HSF2BP: variants seen among roughly 807,000 people sequenced by gnomAD.
HSF2BP encodes heat shock factor 2-binding protein.
A neutral mutation model predicts 35.0 loss-of-function variants in HSF2BP; 35 were observed. That is an observed-to-expected ratio of 1.00 (90% CI 0.76 to 1.32). The LOEUF is 1.32. HSF2BP is among the 40% of genes most tolerant of loss of function. The pLI is 0.00. For missense variants in HSF2BP, 326 were observed against 321.7 expected, an observed-to-expected ratio of 1.01 and a Z score of -0.10; for synonymous variants, 114 against 117.4, an observed-to-expected ratio of 0.97 and a Z score of 0.18.
At chr21:43,582,209 G>T (rs1306898082) in intron 8 of HSF2BP, among the ~76,000 whole-genome samples, 1 of 140,734 alleles carries the variant, frequency 7.1e-6, no homozygotes, top group Admixed American at 6.9e-5. Flanking sequence ...GGCCTGCTGT[G>T]GGGGATGAGG....
intron 7 of HSF2BP, among the ~76,000 whole-genome samples, chr21:43,603,954 G>T (rs1356720372): frequency 6.6e-6 from 1 of 152,094 alleles, no homozygotes; most frequent in African/African-American, 2.4e-5. Flanking sequence ...TGACCTGCAG[G>T]GCCCACAGGG....
At chr21:43,651,595 G>A (rs1363322153) in intron 3 of HSF2BP, among the ~76,000 whole-genome samples, 1 of 152,080 alleles carries the variant, frequency 6.6e-6, no homozygotes, top group Non-Finnish European at 1.5e-5. Context: ...GTAATTTCCA[G>A]TTGACTCTCA....
the HSF2BP span, among the ~76,000 whole-genome samples, chr21:43,499,901 C>T: frequency 4.8e-3 from 508 of 105,452 alleles, 126 homozygotes; most frequent in Non-Finnish European, 8.4e-3. Flanking sequence ...ACACAGCACA[C>T]ATGTATACCA....
intron 6 of HSF2BP, among the ~76,000 whole-genome samples, chr21:43,625,675 A>G (rs933887688): frequency 1.2e-4 from 18 of 152,204 alleles, no homozygotes; most frequent in African/African-American, 4.3e-4. Context: ...TCCCCACAGG[A>G]TAGTCTTGGT....
intron 6 of HSF2BP, among the ~76,000 whole-genome samples, chr21:43,614,348 G>A (rs1481767123): frequency 1.4e-5 from 2 of 146,186 alleles, no homozygotes; most frequent in African/African-American, 5.1e-5. Flanking sequence ...GGGTGACAGA[G>A]CAAAGCCCTG....
intron 4 of HSF2BP, among the ~76,000 whole-genome samples, chr21:43,635,612 A>G (rs189594289): frequency 6.6e-6 from 1 of 152,166 alleles, no homozygotes; most frequent in Admixed American, 6.5e-5. Context: ...TGCAAAAAAA[A>G]AATAATTCAA....
chr21:43,645,860 T>C (rs950817992), intron 3 of HSF2BP, among the ~76,000 whole-genome samples: 5 of 152,074 alleles, frequency 3.3e-5, no homozygotes, highest in Middle Eastern at 3.2e-3. Context: ...ACCACACGTG[T>C]ATCCCCAAAG....
At chr21:43,496,024 C>G in the HSF2BP span, among the ~76,000 whole-genome samples, 2 of 130,610 alleles carry the variant, frequency 1.5e-5, 1 homozygote, top group Non-Finnish European at 3.4e-5. Flanking sequence ...CGTGCACACA[C>G]ACACACACAC....
the HSF2BP span, among the ~76,000 whole-genome samples, chr21:43,499,954 G>A: frequency 0.028 from 2,613 of 94,340 alleles, 706 homozygotes; most frequent in Middle Eastern, 0.045. Context: ...CACACTCCAC[G>A]CACCATACAT....
At chr21:43,602,899 C>T (rs1480864063) in intron 7 of HSF2BP, among the ~76,000 whole-genome samples, 1 of 152,176 alleles carries the variant, frequency 6.6e-6, no homozygotes, top group African/African-American at 2.4e-5. Context: ...CCACCTTAAA[C>T]TCTGGGCCTT....
In HSF2BP at chr21:43,656,687, T is replaced by G; in HGVS notation, c.87A>C (p.Glu29Asp). The change falls in exon 3 of 9, where the codon GAA becomes GAC. Residue 29 changes from glutamate to aspartate, a missense_variant. Coordinates refer to ENST00000291560, the MANE Select transcript of HSF2BP (RefSeq NM_007031.2). ...EFVKVRKKDL[E>D]RLTTEVMQIR... The stretch of plus-strand genomic sequence containing the variant: ...TTTGCATCACTTCAGTTGTCAGCCG[T>G]TCCAGATCCTTCTTTCTGACTTTAA... 1.9e-6 allele frequency: 3 copies of G among 1,614,074 alleles called. No homozygotes were observed. The highest frequency in any genetic ancestry group is 2.5e-6 in the Non-Finnish European group (3 of 1,179,966).
chr21:43,651,555 G>C (rs2082786288), intron 3 of HSF2BP, among the ~76,000 whole-genome samples: 1 of 152,098 alleles, frequency 6.6e-6, no homozygotes, highest in Non-Finnish European at 1.5e-5. Context: ...ACGTCATTTT[G>C]ATCACTATTT....
chr21:43,645,685 C>T (rs2082698832), intron 3 of HSF2BP, among the ~76,000 whole-genome samples: 1 of 152,180 alleles, frequency 6.6e-6, no homozygotes, highest in South Asian at 2.1e-4. Context: ...CTCAAAGAGC[C>T]AGGCGCCTGG....
At chr21:43,571,887 C>T (rs1257903073) in intron 8 of HSF2BP, among the ~76,000 whole-genome samples, 1 of 147,686 alleles carries the variant, frequency 6.8e-6, no homozygotes, top group Non-Finnish European at 1.5e-5. Context: ...TGGTGTAATC[C>T]GACTGTGAAA....
intron 8 of HSF2BP, among the ~76,000 whole-genome samples, chr21:43,589,866 C>T (rs1209721836): frequency 6.6e-6 from 1 of 152,230 alleles, no homozygotes; most frequent in East Asian, 1.9e-4. Context: ...AAAACTCTCA[C>T]CACAAACAGA....
chr21:43,591,545 GA>G (rs906755095), intron 8 of HSF2BP, among the ~76,000 whole-genome samples: 21 of 152,260 alleles, frequency 1.4e-4, no homozygotes, highest in Admixed American at 2.6e-4. Context: ...AACATACCAA[GA>G]AATTTTCTAA....
intron 7 of HSF2BP, among the ~76,000 whole-genome samples, chr21:43,609,452 A>T (rs7276316): frequency 0.67 from 101,294 of 151,664 alleles, 34,083 homozygotes; most frequent in East Asian, 0.79. Context: ...AAATTTTTTT[A>T]AAAAATGGGC....
intron 6 of HSF2BP, 96 bp from the exon 7 acceptor site, chr21:43,614,043 T>A (rs1036169246): frequency 1.2e-6 from 1 of 846,464 alleles, no homozygotes. Context: ...AAAGACCTAA[T>A]GAAAACACAG....
chr21:43,573,628 G>A (rs2081603992), intron 8 of HSF2BP, among the ~76,000 whole-genome samples: 1 of 152,172 alleles, frequency 6.6e-6, no homozygotes, highest in Admixed American at 6.5e-5. Flanking sequence ...TGAGCACAGG[G>A]CAATGACCAG....
Sources: gnomAD v4.1 joint callset for allele counts (sites outside exome capture counted in the v4.1 genomes callset) on GRCh38, gnomAD v4.1.1 for gene constraint, MANE v1.5 for transcripts, NCBI Gene and HGNC (gene_info 2026-07-23, HGNC 2026-07-21) for gene names.